Variants in CLCN5 observed in about 807,000 individuals in gnomAD.
CLCN5 encodes the protein Cl-/H+ antiporter 5.
In CLCN5, 17 loss-of-function variants were observed where a neutral mutation model predicts 54.0. That is an observed-to-expected ratio of 0.31 (90% confidence interval 0.22 to 0.47). The LOEUF is 0.47. Among genes scored for constraint, CLCN5 ranks in the 20% least tolerant of loss-of-function variants. CLCN5 has a pLI of 1.00. For missense variants in CLCN5, 448 were observed against 646.7 expected (o/e 0.69, Z 3.33); for synonymous variants, 222 against 233.0 (o/e 0.95, Z 0.43).
intron 4 of CLCN5, among the ~76,000 whole-genome samples, chrX:50,063,069 A>G (rs1398031693): frequency 9.1e-6 from 1 of 109,477 alleles, no homozygotes; most frequent in East Asian, 2.8e-4. Flanking sequence ...AAGATCTAAA[A>G]TTGACACCCT....
intron 3 of CLCN5, among the ~76,000 whole-genome samples, chrX:50,013,705 A>G (rs1386033643): frequency 4.5e-5 from 5 of 111,840 alleles, no homozygotes; most frequent in African/African-American, 6.5e-5. Flanking sequence ...AGGTGCCTGG[A>G]CTTTGATTTT....
chrX:50,090,800 C>T lies in CLCN5; in HGVS notation c.2274C>T (p.Phe758=). 1 of 1,211,113 alleles carries T rather than the reference C, an allele frequency of 8.3e-7. No homozygotes were observed. The highest frequency in any genetic ancestry group is 1.1e-6 in the Non-Finnish European group (1 of 894,944). Residue 758 remains phenylalanine (F), a synonymous_variant, in exon 14 of 15, where the codon TTC becomes TTT. Transcript: ENST00000376091. The stretch of plus-strand genomic sequence containing the variant: ...GGAACATCCTCGATCTCAGCCCCTT[C>T]ACTGTGACTGACCTTACACCCATGG... The part of the protein sequence containing the change: ...KLRNILDLSP[F]TVTDLTPMEI...
chrX:50,064,216 A>G (rs1557190420), intron 4 of CLCN5, among the ~76,000 whole-genome samples: 1 of 111,203 alleles, frequency 9.0e-6, no homozygotes, highest in African/African-American at 3.3e-5. Flanking sequence ...GAGGAAGTCA[A>G]ATTGTCCCTG....
At chrX:50,033,325 A>G (rs1440223556) in intron 3 of CLCN5, among the ~76,000 whole-genome samples, 3 of 111,772 alleles carry the variant, frequency 2.7e-5, no homozygotes, top group African/African-American at 6.5e-5. Context: ...CAAAGTCTCA[A>G]GATACAAAAT....
At chrX:50,015,011 C>T (rs1270957072) in intron 3 of CLCN5, among the ~76,000 whole-genome samples, 1 of 110,916 alleles carries the variant, frequency 9.0e-6, no homozygotes, top group Non-Finnish European at 1.9e-5. Context: ...AGTATTAAGC[C>T]AAGGATTCAA....
chrX:49,990,132 A>G (rs782094392), intron 3 of CLCN5, among the ~76,000 whole-genome samples: 64 of 110,338 alleles, frequency 5.8e-4, no homozygotes, highest in Non-Finnish European at 9.1e-4. Flanking sequence ...TTGTTTTTCA[A>G]TAGTTTTGGG....
chrX:50,021,279 C>T (rs1557184314), intron 3 of CLCN5, among the ~76,000 whole-genome samples: 1 of 88,076 alleles, frequency 1.1e-5, no homozygotes, highest in Non-Finnish European at 2.1e-5. Flanking sequence ...CTCTGTTTGT[C>T]TGTTGTTGGT....
intron 3 of CLCN5, among the ~76,000 whole-genome samples, chrX:49,981,580 A>G (rs1928733233): frequency 9.0e-6 from 1 of 111,296 alleles, no homozygotes; most frequent in Non-Finnish European, 1.9e-5. Flanking sequence ...CTTATTTTTA[A>G]GTGAAGTTTT....
In CLCN5 at chrX:49,936,070, G is replaced by C. The variant is rs782334685; in HGVS notation, c.16+10756G>C. On this transcript the variant is annotated intron_variant, in intron 3 of 14. Transcript: ENST00000376091. ...TTGCCTTCCTATCAGGATTGCCATG[G>C]AGATTAAATGAGATAAAGTATGCTA... Among the ~76,000 whole-genome samples the C allele has an allele frequency of 2.7e-5, 3 of 111,308 alleles. No individual in the cohort carries two copies. In the East Asian group the frequency reaches 8.5e-4, roughly 32 times the overall value.
intron 4 of CLCN5, among the ~76,000 whole-genome samples, chrX:50,060,101 T>C (rs1932826656): frequency 9.2e-6 from 1 of 108,722 alleles, no homozygotes; most frequent in South Asian, 4.1e-4. Flanking sequence ...TTGAATGAGA[T>C]AGACATACTT....
chrX:49,988,464 TG>T (rs1237061306), intron 3 of CLCN5, among the ~76,000 whole-genome samples: 1 of 111,583 alleles, frequency 9.0e-6, no homozygotes, highest in Admixed American at 9.5e-5. Flanking sequence ...TAAATTCTTC[TG>T]TGTGCTTGGA....
intron 3 of CLCN5, among the ~76,000 whole-genome samples, chrX:49,935,456 A>G (rs1281073906): frequency 8.9e-6 from 1 of 112,387 alleles, no homozygotes; most frequent in African/African-American, 3.2e-5. Context: ...AAAGCAGTGA[A>G]TACAAAAGTC....
chrX:49,939,411 G>T (rs782250913), intron 3 of CLCN5, among the ~76,000 whole-genome samples: 1 of 111,107 alleles, frequency 9.0e-6, no homozygotes, highest in Non-Finnish European at 1.9e-5. Flanking sequence ...ATGATAGACC[G>T]GATTAAGAAA....
intron 4 of CLCN5, among the ~76,000 whole-genome samples, chrX:50,047,385 A>C (rs140761499): frequency 8.9e-5 from 10 of 111,791 alleles, no homozygotes; most frequent in Non-Finnish European, 1.5e-4. Context: ...AACTTAAAAA[A>C]AAAGTGGCCC....
At chrX:50,066,190 G>A (rs1557190823) in intron 4 of CLCN5, among the ~76,000 whole-genome samples, 8 of 77,873 alleles carry the variant, frequency 1.0e-4, no homozygotes, top group African/African-American at 3.3e-4. Context: ...GAAAGAAAGA[G>A]AAATTCCAGA....
intron 3 of CLCN5, among the ~76,000 whole-genome samples, chrX:49,940,200 A>G (rs782251466): frequency 2.7e-5 from 3 of 111,903 alleles, no homozygotes; most frequent in Non-Finnish European, 5.6e-5. Flanking sequence ...GTTTATTCCT[A>G]TTCCATCTGA....
chrX:50,078,098 T>C (rs1933519034), intron 7 of CLCN5, among the ~76,000 whole-genome samples: 1 of 109,042 alleles, frequency 9.2e-6, no homozygotes, highest in South Asian at 4.0e-4. Context: ...CCCAGCACTT[T>C]GGGAGGCTGA....
At chrX:49,992,934 G>A (rs147450889) in intron 3 of CLCN5, among the ~76,000 whole-genome samples, 1 of 112,023 alleles carries the variant, frequency 8.9e-6, no homozygotes, top group East Asian at 2.8e-4. Flanking sequence ...TAACTGGTGT[G>A]CTGTCATTTC....
intron 4 of CLCN5, among the ~76,000 whole-genome samples, chrX:50,048,621 C>T (rs1932475243): frequency 8.9e-6 from 1 of 111,849 alleles, no homozygotes; most frequent in African/African-American, 3.3e-5. Flanking sequence ...CAATTGACTC[C>T]ATTTCCCTTT....
Sources: allele counts gnomAD v4.1 joint callset (sites outside exome capture counted in the v4.1 genomes callset), GRCh38; gene constraint gnomAD v4.1.1; transcripts MANE v1.5; gene names NCBI Gene and HGNC (gene_info 2026-07-23, HGNC 2026-07-21).